The following PHACTR2 variants were observed in gnomAD, a reference collection of about 807,000 sequenced individuals.
The protein encoded by PHACTR2 is chromosome 6 open reading frame 56.
PHACTR2 carries 30 observed loss-of-function variants against 76.0 expected under a neutral mutation model. The ratio of observed to expected loss-of-function variants is 0.39; its 90% CI spans 0.30 to 0.54. PHACTR2 has a LOEUF of 0.54. Among genes scored for constraint, PHACTR2 ranks in the 20% least tolerant of loss-of-function variants. The pLI is 0.61. For missense variants in PHACTR2, 696 were observed against 781.1 expected, an observed-to-expected ratio of 0.89 and a Z score of 1.30; for synonymous variants, 292 against 292.5, an observed-to-expected ratio of 1.00 and a Z score of 0.02.
chr6:143,805,479 CAAAA>C (rs746027973), intron 11 of PHACTR2, among the ~76,000 whole-genome samples: 5 of 95,188 alleles, frequency 5.3e-5, no homozygotes, highest in Admixed American at 2.3e-4. Flanking sequence ...AACTCCGTCT[CAAAA>C]AAAAAAAAAA....
rs113707533 is a variant in PHACTR2 at position 143,638,576 on chromosome 6, TAC to T, written c.13+30277_13+30278del. ...AAAAAAAGTATTACACACACACACA[TAC>T]ACACACACACACACACACACACCCA... On this transcript the variant is annotated intron_variant, in intron 1 of 11. Coordinates refer to the PHACTR2 transcript ENST00000305766. Among the ~76,000 whole-genome samples the T allele has an allele frequency of 4.8e-3, 708 of 146,932 alleles. 8 individuals carry two copies. The highest frequency in any genetic ancestry group is 0.012 in the African/African-American group (484 of 39,532).
At position 143,619,851 on chromosome 6, in the gene PHACTR2, G is replaced by T. The variant is rs1198211213; in HGVS notation, c.13+11529G>T. ...CCAAACTTTGACAGCGGTCAGTATG[G>T]TATAAAGAGTGAAAATATCTTAGGT... is the stretch of plus-strand genomic sequence containing the variant. On this transcript the variant is annotated intron_variant, in intron 1 of 11. Coordinates refer to the PHACTR2 transcript ENST00000305766. This position sits in a 1 kb window ranked among gnomAD's most constrained non-coding sequence, Gnocchi z 4.5. Among the ~76,000 whole-genome samples the T allele has an allele frequency of 2.6e-5, 4 of 152,106 alleles. No homozygotes were observed. Among genetic ancestry groups the T allele is most frequent in the Non-Finnish European group, 5.9e-5 (4 of 68,028 alleles).
intron 1 of PHACTR2, among the ~76,000 whole-genome samples, chr6:143,643,137 T>C (rs1478388292): frequency 3.9e-5 from 6 of 152,216 alleles, no homozygotes; most frequent in Admixed American, 3.9e-4. Context: ...CATCATTATT[T>C]TACAGAGACA....
rs1243644174 is a variant in PHACTR2, at chr6:143,624,545, G to A, written c.13+16223G>A. 6.6e-6 allele frequency among the ~76,000 whole-genome samples: 1 copy of A among 152,204 alleles called. No homozygotes were observed. ...GAGGACAGACTTGAGGCCAAAATCAGCAATTTGGGATTATATCACCACTCT... is the reference window on the plus strand; with the variant it reads ...GAGGACAGACTTGAGGCCAAAATCAACAATTTGGGATTATATCACCACTCT... On this transcript the variant is annotated intron_variant, in intron 1 of 11. Transcript: ENST00000305766. The surrounding 1 kb of genome is among the most constrained non-coding windows in gnomAD (Gnocchi z 4.6).
chr6:143,789,669 GT>G lies in PHACTR2; in HGVS notation c.1845+767del, dbSNP rs1373233868. ...ATTGAATAAACTCGTGCTATACCCA[GT>G]TTTTTTTAATCATAAGTACTTTTGC... is the stretch of plus-strand genomic sequence containing the variant. On this transcript the variant is annotated intron_variant, in intron 11 of 12. Coordinates refer to ENST00000440869, the MANE Select transcript of PHACTR2 (RefSeq NM_001100164.2). The surrounding 1 kb of genome is among the most constrained non-coding windows in gnomAD (Gnocchi z 5.1). Among the ~76,000 whole-genome samples, 5 of 151,976 alleles carry G rather than the reference GT, an allele frequency of 3.3e-5. No individual in the cohort carries two copies. The highest frequency in any genetic ancestry group is 6.6e-5 in the Admixed American group (1 of 15,242).
At position 143,672,818 on chromosome 6, in the gene PHACTR2, A is replaced by G. The variant is rs945022286; in HGVS notation, c.14-39198A>G. ...CAGCTCATTGCAACCTCCGCCTCCC[A>G]GGTTCAAGTGATTCTCCGGCCTCAG... On this transcript the variant is annotated intron_variant, in intron 1 of 11. Transcript: ENST00000305766. The surrounding 1 kb of genome is among the most constrained non-coding windows in gnomAD (Gnocchi z 5.8). Among the ~76,000 whole-genome samples, 20 of 152,140 alleles carry G rather than the reference A, an allele frequency of 1.3e-4. No individual in the cohort carries two copies. Among genetic ancestry groups the G allele is most frequent in the Admixed American group, 1.3e-3 (20 of 15,284 alleles).
Position 143,554,164 on chromosome 6 carries a change from C to T in PHACTR2, c.217+16957C>T, listed in dbSNP as rs1306205975. 6.6e-6 allele frequency among the ~76,000 whole-genome samples: 1 copy of T among 152,114 alleles called. No individual in the cohort carries two copies. The highest frequency in any genetic ancestry group is 1.5e-5 in the Non-Finnish European group (1 of 68,026). ...CAATATCAACTTAGGAGTGAATCCA[C>T]AGTATGCAGGGCTATGGTGTCTGCT... is the stretch of plus-strand genomic sequence containing the variant. On this transcript the variant is annotated intron_variant, in intron 1 of 11. Transcript: ENST00000367584. The surrounding 1 kb of genome is among the most constrained non-coding windows in gnomAD (Gnocchi z 5.9).
rs1458405021 is a variant in PHACTR2, at chr6:143,777,185, G to A, written c.1590-143G>A. 1 of 540,174 alleles carries A rather than the reference G, an allele frequency of 1.9e-6. No homozygotes were observed. The highest frequency in any genetic ancestry group is 2.0e-5 in the African/African-American group (1 of 51,242). The allele number at this position is 540,174 out of a possible 1,614,324, so 33.5% of individuals were successfully genotyped here. A position where few individuals can be genotyped will look rare whatever the true frequency, so the allele number is the denominator to read the frequency against. ...CATGATCTGTAGTCTCCAAACTAAT[G>A]GGAAGGAGACTTTTATTTTGCAGCT... is the stretch of plus-strand genomic sequence containing the variant. On this transcript the variant is annotated intron_variant, in intron 8 of 12. Transcript: ENST00000440869. This position sits in a 1 kb window ranked among gnomAD's most constrained non-coding sequence, Gnocchi z 4.6.
At chr6:143,565,604 C>CAAA (rs556657528) in intron 1 of PHACTR2, among the ~76,000 whole-genome samples, 2 of 105,976 alleles carry the variant, frequency 1.9e-5, no homozygotes, top group African/African-American at 7.4e-5. Flanking sequence ...GACTCCGTCT[C>CAAA]AAAAAAAAAA....
At position 143,711,950 on chromosome 6, in the gene PHACTR2, T is replaced by C. The variant is rs1449041716; in HGVS notation, c.47-66T>C. ...TTACCGTTAACAGCCCAGGGACCAA[T>C]TGATGATGTGGTTTTATTACAACCT... is the stretch of plus-strand genomic sequence containing the variant. On this transcript the variant is annotated intron_variant, in intron 1 of 12. Coordinates refer to ENST00000440869, the MANE Select transcript of PHACTR2 (RefSeq NM_001100164.2). 1.7e-5 allele frequency: 23 copies of C among 1,383,222 alleles called. 1 individual carries two copies. In the Admixed American group the frequency reaches 2.2e-4, roughly 13 times the overall value. 85.7% of individuals were successfully genotyped at this position (1,383,222 alleles called of 1,614,324 possible). A position where few individuals can be genotyped will look rare whatever the true frequency, so the allele number is the denominator to read the frequency against.
rs762700658 is a variant in PHACTR2, at chr6:143,754,525, C to T, written c.454+613C>T. On this transcript the variant is annotated intron_variant, in intron 4 of 12. Transcript: ENST00000440869. The surrounding 1 kb of genome is among the most constrained non-coding windows in gnomAD (Gnocchi z 6.2). The stretch of plus-strand genomic sequence containing the variant: ...TCAAAATGTGCCAGAGGCGATTATG[C>T]TATTCCCAGAAGACTTCTTTAGAGA... Among the ~76,000 whole-genome samples the T allele has an allele frequency of 6.6e-6, 1 of 152,228 alleles. No individual in the cohort carries two copies. Among genetic ancestry groups the T allele is most frequent in the Admixed American group, 6.5e-5 (1 of 15,286 alleles).
chr6:143,679,141 A>G lies in PHACTR2; in HGVS notation c.46+932A>G, dbSNP rs566239459. 1.3e-5 allele frequency among the ~76,000 whole-genome samples: 2 copies of G among 152,346 alleles called. No individual in the cohort carries two copies. The highest frequency in any genetic ancestry group is 2.1e-4 in the South Asian group (1 of 4,834). ...CAGGATCTTGCTGAAAGGAAATGAC[A>G]GGGTACAGAGGAAGGTTTTTTAATC... is the stretch of plus-strand genomic sequence containing the variant. On this transcript the variant is annotated intron_variant, in intron 1 of 12. Coordinates refer to ENST00000440869, the MANE Select transcript of PHACTR2 (RefSeq NM_001100164.2). The surrounding 1 kb of genome is among the most constrained non-coding windows in gnomAD (Gnocchi z 4.6).
In PHACTR2 at chr6:143,672,024, T is replaced by C. The variant is rs979438798; in HGVS notation, c.14-39992T>C. On this transcript the variant is annotated intron_variant, in intron 1 of 11. Transcript: ENST00000305766. The surrounding 1 kb of genome is among the most constrained non-coding windows in gnomAD (Gnocchi z 5.8). ...TAAGAAATTTTAGATAAATCAAAAGTATGGACATGGAAAGCAGGTTGGCAG... is the reference window on the plus strand; with the variant it reads ...TAAGAAATTTTAGATAAATCAAAAGCATGGACATGGAAAGCAGGTTGGCAG... 6.6e-6 allele frequency among the ~76,000 whole-genome samples: 1 copy of C among 152,094 alleles called. No homozygotes were observed. Among genetic ancestry groups the C allele is most frequent in the East Asian group, 1.9e-4 (1 of 5,198 alleles).
rs543658015 is a variant in PHACTR2, at chr6:143,627,077, G to A, written c.13+18755G>A. Among the ~76,000 whole-genome samples, 5 of 152,298 alleles carry A rather than the reference G, an allele frequency of 3.3e-5. No homozygotes were observed. Among genetic ancestry groups the A allele is most frequent in the African/African-American group, 9.6e-5 (4 of 41,562 alleles). ...TTACCCTTGAGACGCCAACACTGTT[G>A]TGAGGAGACCGATGAGACATAGAAC... On this transcript the variant is annotated intron_variant, in intron 1 of 11. Transcript: ENST00000305766. The surrounding 1 kb of genome is among the most constrained non-coding windows in gnomAD (Gnocchi z 4.3).
chr6:143,572,179 C>T (rs1582678892), intron 1 of PHACTR2, among the ~76,000 whole-genome samples: 1 of 152,134 alleles, frequency 6.6e-6, no homozygotes. Flanking sequence ...CTAAGAAATT[C>T]TTTTGGCCCC....
intron 2 of PHACTR2, among the ~76,000 whole-genome samples, chr6:143,720,849 G>T (rs1778425218): frequency 6.6e-6 from 1 of 152,162 alleles, no homozygotes; most frequent in Admixed American, 6.5e-5. Flanking sequence ...CTGATCTCAG[G>T]TGATTCTCCC....
intron 1 of PHACTR2, among the ~76,000 whole-genome samples, chr6:143,573,988 GC>G (rs1336200891): frequency 2.6e-5 from 4 of 152,238 alleles, no homozygotes; most frequent in Non-Finnish European, 5.9e-5. Context: ...TGGGTCAGGA[GC>G]CTGCGAGCAG....
At position 143,823,182 on chromosome 6, in the gene PHACTR2, G is replaced by A. The variant is rs1288516798; in HGVS notation, c.1923-492G>A. On this transcript the variant is annotated intron_variant, in intron 12 of 12. Coordinates refer to ENST00000440869, the MANE Select transcript of PHACTR2 (RefSeq NM_001100164.2). This position sits in a 1 kb window ranked among gnomAD's most constrained non-coding sequence, Gnocchi z 5.7. ...ATACCTGTGGAACATCTGGGGGGAA[G>A]CGCCCTGTGGGCTTTTGGAAATTCA... 6.6e-6 allele frequency among the ~76,000 whole-genome samples: 1 copy of A among 152,256 alleles called. No homozygotes were observed. The highest frequency in any genetic ancestry group is 1.5e-5 in the Non-Finnish European group (1 of 68,044).
At chr6:143,786,798 A>G (rs1332470039) in intron 10 of PHACTR2, among the ~76,000 whole-genome samples, 1 of 152,218 alleles carries the variant, frequency 6.6e-6, no homozygotes, top group Non-Finnish European at 1.5e-5. Flanking sequence ...AGCATGGGAA[A>G]GACCAGCCCC....
Sources: allele counts gnomAD v4.1 joint callset (sites outside exome capture counted in the v4.1 genomes callset), GRCh38; gene constraint gnomAD v4.1.1; non-coding constraint Gnocchi (gnomAD v3.1); transcripts MANE v1.5; gene names NCBI Gene and HGNC (gene_info 2026-07-23, HGNC 2026-07-21).